The following AHNAK variants were observed in gnomAD, a reference collection of about 807,000 sequenced individuals.
AHNAK encodes AHNAK nucleoprotein.
A neutral mutation model predicts 37.8 loss-of-function variants in AHNAK; 23 were observed. That is an observed-to-expected ratio of 0.61 (90% CI 0.44 to 0.86). AHNAK has a LOEUF of 0.86. Among genes scored for constraint, AHNAK ranks in the 40% least tolerant of loss-of-function variants. The pLI is 0.00. For missense variants in AHNAK, 7,411 were observed against 7,319.4 expected, an observed-to-expected ratio of 1.01 and a Z score of -0.46; for synonymous variants, 2,481 against 2,636.3, an observed-to-expected ratio of 0.94 and a Z score of 1.80.
chr11:62,446,430 G>A (rs1373726835), intron 5 of AHNAK, among the ~76,000 whole-genome samples: 2 of 152,168 alleles, frequency 1.3e-5, no homozygotes, highest in East Asian at 3.9e-4. Context: ...CTATATACTG[G>A]GTGGTTCCGT....
In AHNAK at chr11:62,451,466, G is replaced by A. The variant is rs118003729; in HGVS notation, c.443-17575C>T. On this transcript the variant is annotated intron_variant, in intron 5 of 5. Transcript: ENST00000257247. ...TCTAAAAAAAAAATTGGCCAGGCGC[G>A]ATGGCTCATGTCTGTAATCCCAGCA... Among the ~76,000 whole-genome samples the A allele has an allele frequency of 1.9e-3, 289 of 151,728 alleles. 8 individuals are homozygous for A. The East Asian group carries it at 0.03, about 16-fold the overall frequency.
chr11:62,506,753 T>C (rs1212152936), intron 4 of AHNAK, among the ~76,000 whole-genome samples: 1 of 152,206 alleles, frequency 6.6e-6, no homozygotes, highest in East Asian at 1.9e-4. Flanking sequence ...CTCCCTTGTT[T>C]ATTATTATAG....
Position 62,524,966 on chromosome 11 carries a change from G to C in AHNAK, c.9451C>G (p.Pro3151Ala), listed in dbSNP as rs1179333780. 1 of 1,613,462 alleles carries C rather than the reference G, an allele frequency of 6.2e-7. No individual in the cohort carries two copies. Among genetic ancestry groups the C allele is most frequent in the African/African-American group, 1.3e-5 (1 of 74,694 alleles). ...VQGPDWHLKMPKIKMPKISMP... is the reference protein window; with the variant it reads ...VQGPDWHLKMAKIKMPKISMP... ...CTGATCTTGGGCATTTTTATTTTAG[G>C]CATCTTCAGGTGCCAGTCTGGGCCT... The change falls in exon 5 of 5, where the codon CCT becomes GCT. Residue 3151 changes from proline to alanine, a missense_variant. Physicochemically the swap from Pro to Ala is conservative, Grantham distance 27. Transcript: ENST00000378024.
rs1389917494 is a variant in AHNAK, at chr11:62,532,520, T to A, written c.1897A>T (p.Met633Leu). 6.2e-7 allele frequency: 1 copy of A among 1,614,030 alleles called. No individual in the cohort carries two copies. The change falls in exon 5 of 5, where the codon ATG (methionine) becomes TTG (leucine). Residue 633 changes from methionine (M) to leucine (L), a missense_variant. Transcript: ENST00000378024. ...GCTCCTGGAGTGCTGAACGTGGGCA[T>A]TTTCATCTTGGGCATTTTCAGGTTC... ...EWNLKMPKMK[M>L]PTFSTPGAKG...
At chr11:62,544,124 C>T (rs560321309) in intron 1 of AHNAK, among the ~76,000 whole-genome samples, 36 of 152,306 alleles carry the variant, frequency 2.4e-4, no homozygotes, top group South Asian at 8.3e-4. Flanking sequence ...ACCCACCAGC[C>T]AATTCCAAGT....
chr11:62,540,094 C>A (rs1460975420), intron 1 of AHNAK, among the ~76,000 whole-genome samples: 4 of 152,182 alleles, frequency 2.6e-5, no homozygotes, highest in Non-Finnish European at 4.4e-5. Context: ...GAGGGCTCTG[C>A]CCTGTTGCTA....
chr11:62,460,672 T>TGGA (rs1190519913), intron 5 of AHNAK, among the ~76,000 whole-genome samples: 20 of 152,212 alleles, frequency 1.3e-4, no homozygotes, highest in African/African-American at 4.8e-4. Context: ...AGCCGTGAGT[T>TGGA]TTGGAAAGCA....
At chr11:62,498,550 G>A (rs1939655905) in intron 4 of AHNAK, among the ~76,000 whole-genome samples, 1 of 148,010 alleles carries the variant, frequency 6.8e-6, no homozygotes, top group Non-Finnish European at 1.5e-5. Flanking sequence ...CTTGAGGCCA[G>A]AAGTTTGAGA....
chr11:62,491,583 G>A, intron 5 of AHNAK: 1 of 685,842 alleles, frequency 1.5e-6, no homozygotes, highest in Non-Finnish European at 2.5e-6. Context: ...TCCAGGCCCA[G>A]GAGAAAGAGG....
chr11:62,466,910 G>A (rs2134838401), intron 5 of AHNAK, among the ~76,000 whole-genome samples: 1 of 152,256 alleles, frequency 6.6e-6, no homozygotes, highest in East Asian at 1.9e-4. Flanking sequence ...ATAATAAACT[G>A]TTTATAAACA....
chr11:62,484,694 C>T (rs1939353016), intron 5 of AHNAK, among the ~76,000 whole-genome samples: 1 of 152,196 alleles, frequency 6.6e-6, no homozygotes, highest in African/African-American at 2.4e-5. Flanking sequence ...ACCACGAGCA[C>T]TTAAGCATGC....
At position 62,528,344 on chromosome 11, in the gene AHNAK, T is replaced by C. The variant is rs771343300; in HGVS notation, c.6073A>G (p.Ile2025Val). 10 of 1,613,866 alleles carry C rather than the reference T, an allele frequency of 6.2e-6. No individual in the cohort carries two copies. Among genetic ancestry groups the C allele is most frequent in the Non-Finnish European group, 8.5e-6 (10 of 1,179,992 alleles). The change falls in exon 5 of 5, where the codon ATC becomes GTC. Residue 2025 changes from isoleucine (I) to valine (V), a missense_variant. Transcript: ENST00000378024. ...EGEMKVPDVD[I>V]KGPKMDIDAP... ...TCAATGTCCATTTTGGGTCCTTTGA[T>C]GTCAACATCTGGCACTTTCATTTCA... is the stretch of plus-strand genomic sequence containing the variant.
In AHNAK at chr11:62,524,454, G is replaced by A; in HGVS notation, c.9963C>T (p.Asp3321=). 6.2e-7 allele frequency: 1 copy of A among 1,613,980 alleles called. No homozygotes were observed. The highest frequency in any genetic ancestry group is 8.5e-7 in the Non-Finnish European group (1 of 1,179,992). Residue 3321 remains aspartate, a synonymous_variant, in exon 5 of 5, where the codon GAC becomes GAT. Coordinates refer to ENST00000378024, the MANE Select transcript of AHNAK (RefSeq NM_001620.3). ...TTATATCCAAACTGGGAGCTTTAAT[G>A]TCACCTTCCAACTTGGGCCCAGAGA... ...VDVSGPKLEG[D]IKAPSLDIKG...
At chr11:62,459,202 G>A (rs1394052313) in intron 5 of AHNAK, among the ~76,000 whole-genome samples, 1 of 152,212 alleles carries the variant, frequency 6.6e-6, no homozygotes, top group East Asian at 1.9e-4. Flanking sequence ...TGTACTCACA[G>A]TTGAATGTGG....
chr11:62,480,391 G>A (rs1273762527), intron 5 of AHNAK, among the ~76,000 whole-genome samples: 1 of 152,104 alleles, frequency 6.6e-6, no homozygotes, highest in African/African-American at 2.4e-5. Flanking sequence ...GCCAGGCACA[G>A]TGACTCACGC....
intron 5 of AHNAK, among the ~76,000 whole-genome samples, chr11:62,468,121 G>T (rs1347743725): frequency 6.6e-6 from 1 of 152,154 alleles, no homozygotes; most frequent in Admixed American, 6.6e-5. Context: ...GCCGAAATGG[G>T]CGTTATCACT....
At chr11:62,438,586 A>G (rs1413758692) in intron 5 of AHNAK, among the ~76,000 whole-genome samples, 1 of 152,158 alleles carries the variant, frequency 6.6e-6, no homozygotes, top group East Asian at 1.9e-4. Flanking sequence ...TATTGCAGAT[A>G]TATATCTTCT....
chr11:62,460,378 G>A (rs1036381529), intron 5 of AHNAK, among the ~76,000 whole-genome samples: 2 of 152,146 alleles, frequency 1.3e-5, no homozygotes, highest in Admixed American at 1.3e-4. Flanking sequence ...AAGGGAGGAT[G>A]AGAGCACCAG....
At chr11:62,453,820 G>C (rs956760045) in intron 5 of AHNAK, among the ~76,000 whole-genome samples, 15 of 152,210 alleles carry the variant, frequency 9.9e-5, no homozygotes, top group African/African-American at 3.6e-4. Context: ...CCAAGAATTT[G>C]AAAAGAATCC....
Sources: gnomAD v4.1 joint callset for allele counts (sites outside exome capture counted in the v4.1 genomes callset) on GRCh38, gnomAD v4.1.1 for gene constraint, MANE v1.5 for transcripts, NCBI Gene and HGNC (gene_info 2026-07-23, HGNC 2026-07-21) for gene names.